PRSS23: variants seen among roughly 807,000 people sequenced by gnomAD.
PRSS23 encodes the protein serine protease 23, also known as protease, serine 23.
PRSS23 carries 25 observed loss-of-function variants against 34.7 expected under a neutral mutation model. The ratio of observed to expected loss-of-function variants is 0.72; its 90% confidence interval spans 0.53 to 1.01. PRSS23 has a LOEUF of 1.01. Ranked by LOEUF, PRSS23 falls within the 50% of genes least tolerant of loss-of-function variation. PRSS23 has a pLI of 0.00. For synonymous variants in PRSS23, 176 were observed against 186.6 expected (o/e 0.94, Z 0.46); for missense variants, 445 against 475.6 (o/e 0.94, Z 0.60).
At chr11:86,794,558 C>A (rs1939116) in intron 1 of PRSS23, among the ~76,000 whole-genome samples, 1 of 152,016 alleles carries the variant, frequency 6.6e-6, no homozygotes, top group Admixed American at 6.6e-5. Flanking sequence ...CAATTTAACC[C>A]TACAATAATT....
intron 2 of PRSS23, among the ~76,000 whole-genome samples, chr11:86,868,339 T>C (rs1487025479): frequency 2.0e-5 from 3 of 152,202 alleles, no homozygotes; most frequent in African/African-American, 7.2e-5. Context: ...TGTGGTATGC[T>C]GGCTGAACAA....
At chr11:86,815,333 C>T (rs549282999), downstream of PRSS23, among the ~76,000 whole-genome samples, 1 of 152,314 alleles carries the variant, frequency 6.6e-6, no homozygotes, top group East Asian at 1.9e-4. Flanking sequence ...ATGTATTTGT[C>T]CTCTGCCACT....
chr11:86,893,940 G>A (rs1244602945), intron 2 of PRSS23, among the ~76,000 whole-genome samples: 6 of 152,112 alleles, frequency 3.9e-5, no homozygotes, highest in Admixed American at 3.3e-4. Context: ...TTTTTCCAAG[G>A]GGCAGAAATA....
At chr11:86,829,407 C>T (rs1451781274) in intron 2 of PRSS23, among the ~76,000 whole-genome samples, 1 of 152,136 alleles carries the variant, frequency 6.6e-6, no homozygotes, top group Non-Finnish European at 1.5e-5. Flanking sequence ...AAATTTTTTT[C>T]AAAGTTTTCA....
At chr11:86,932,026 C>T (rs902944366) in intron 2 of PRSS23, among the ~76,000 whole-genome samples, 1 of 152,074 alleles carries the variant, frequency 6.6e-6, no homozygotes, top group African/African-American at 2.4e-5. Flanking sequence ...AAGTGAGGAC[C>T]GAGTCTAACT....
chr11:86,880,968 A>T (rs1194235634), intron 2 of PRSS23, among the ~76,000 whole-genome samples: 1 of 152,218 alleles, frequency 6.6e-6, no homozygotes, highest in Non-Finnish European at 1.5e-5. Context: ...TTCTGTACGC[A>T]ATATGATGTC....
intron 2 of PRSS23, among the ~76,000 whole-genome samples, chr11:86,834,834 G>A (rs1230649718): frequency 1.3e-5 from 2 of 152,112 alleles, no homozygotes; most frequent in Non-Finnish European, 2.9e-5. Flanking sequence ...CCCGAGTAAG[G>A]GCTATTAGTT....
intron 2 of PRSS23, among the ~76,000 whole-genome samples, chr11:86,848,310 G>C (rs1036513836): frequency 6.6e-6 from 1 of 152,204 alleles, no homozygotes; most frequent in African/African-American, 2.4e-5. Context: ...TTTAGGGATC[G>C]ATAGTACCTT....
intron 2 of PRSS23, chr11:86,950,881 A>C (rs1315418870): frequency 3.7e-6 from 2 of 542,936 alleles, no homozygotes; most frequent in Admixed American, 6.1e-5. Flanking sequence ...CAACCTGCTA[A>C]AGTGATCAAC....
chr11:86,882,430 C>T (rs920694059), intron 2 of PRSS23, among the ~76,000 whole-genome samples: 17 of 152,160 alleles, frequency 1.1e-4, no homozygotes, highest in African/African-American at 4.1e-4. Flanking sequence ...CATTATTTAG[C>T]TCCCACTTGT....
At chr11:86,951,216 A>C (rs758540332) in exon 3 of PRSS23, 1 of 1,614,074 alleles carries the variant, frequency 6.2e-7, no homozygotes, top group Admixed American at 1.7e-5. Context: ...ACCTTTCCAG[A>C]ATTCACCAAT....
intron 2 of PRSS23, among the ~76,000 whole-genome samples, chr11:86,916,299 A>G (rs976370212): frequency 1.3e-5 from 2 of 152,172 alleles, no homozygotes; most frequent in Non-Finnish European, 2.9e-5. Flanking sequence ...TTGCTTTTAT[A>G]AGAATATGGA....
intron 2 of PRSS23, among the ~76,000 whole-genome samples, chr11:86,932,318 T>A (rs1949131529): frequency 6.6e-6 from 1 of 151,842 alleles, no homozygotes; most frequent in Non-Finnish European, 1.5e-5. Flanking sequence ...TAGACTGGAG[T>A]CTTGAATTTA....
intron 2 of PRSS23, among the ~76,000 whole-genome samples, chr11:86,838,053 A>G (rs548713272): frequency 6.6e-6 from 1 of 152,000 alleles, no homozygotes; most frequent in African/African-American, 2.4e-5. Context: ...GACAGACTGT[A>G]TCTGAAGAAA....
At position 86,875,482 on chromosome 11, in the gene PRSS23, G is replaced by A. The variant is rs552157407; in HGVS notation, c.206+51889G>A. 1.5e-4 allele frequency among the ~76,000 whole-genome samples: 23 copies of A among 152,286 alleles called. No homozygotes were observed. The East Asian group carries it at 3.3e-3, about 22-fold the overall frequency. On this transcript the variant is annotated intron_variant, in intron 2 of 2. Coordinates refer to the PRSS23 transcript ENST00000533902. ...TGCCTCTTAATGTCTGTGAAAGACC[G>A]TGCTCTGGTAGGAACGCTGACTCTT...
chr11:86,905,682 A>G (rs926059037), intron 2 of PRSS23, among the ~76,000 whole-genome samples: 6 of 152,168 alleles, frequency 3.9e-5, no homozygotes, highest in South Asian at 2.1e-4. Context: ...ACACTTTTCC[A>G]GAAGGTGTCA....
At chr11:86,805,055 A>G (rs1948083441) in intron 1 of PRSS23, among the ~76,000 whole-genome samples, 1 of 152,208 alleles carries the variant, frequency 6.6e-6, no homozygotes, top group Non-Finnish European at 1.5e-5. Flanking sequence ...TGTAAGTCAC[A>G]TTAACATTCC....
At chr11:86,911,357 T>C (rs1057384931) in intron 2 of PRSS23, 1 of 152,188 alleles carries the variant, frequency 6.6e-6, no homozygotes, top group Non-Finnish European at 1.5e-5. Flanking sequence ...TGCAGGTTTG[T>C]TACGTGAGTA....
At chr11:86,902,609 A>C (rs1240692352) in intron 2 of PRSS23, among the ~76,000 whole-genome samples, 2 of 152,182 alleles carry the variant, frequency 1.3e-5, no homozygotes, top group Non-Finnish European at 2.9e-5. Context: ...AACTACTTCC[A>C]GATGTGGATA....
Sources: gnomAD v4.1 joint callset for allele counts (sites outside exome capture counted in the v4.1 genomes callset) on GRCh38, gnomAD v4.1.1 for gene constraint, MANE v1.5 for transcripts, NCBI Gene and HGNC (gene_info 2026-07-23, HGNC 2026-07-21) for gene names.